The following OPTN variants were observed in gnomAD, a reference collection of about 807,000 sequenced individuals.
OPTN encodes E3-14.7K-interacting protein.
A neutral mutation model predicts 70.4 loss-of-function variants in OPTN; 54 were observed. That is an observed-to-expected ratio of 0.77 (90% CI 0.62 to 0.96). The LOEUF (loss-of-function observed/expected upper bound fraction) is 0.96, where lower values mean the gene tolerates loss of function less well. OPTN is among the 40% of genes least tolerant of loss of function. The pLI is 0.00. For missense variants in OPTN, 624 were observed against 673.2 expected (o/e 0.93, Z 0.81); for synonymous variants, 256 against 248.5 (o/e 1.03, Z -0.28).
chr10:13,118,490 G>A (rs1019195518), intron 6 of OPTN, among the ~76,000 whole-genome samples: 3 of 152,238 alleles, frequency 2.0e-5, no homozygotes, highest in Non-Finnish European at 1.5e-5. Context: ...CCAGTGGTCT[G>A]TACAATGTGC....
At chr10:13,102,818 C>T (rs1003276511) in intron 1 of OPTN, among the ~76,000 whole-genome samples, 7 of 152,102 alleles carry the variant, frequency 4.6e-5, no homozygotes, top group African/African-American at 1.7e-4. Context: ...TGGCATGCAC[C>T]TGTAATCCCA....
chr10:13,119,630 C>G (rs1833298249), intron 7 of OPTN, among the ~76,000 whole-genome samples: 2 of 152,280 alleles, frequency 1.3e-5, no homozygotes, highest in Middle Eastern at 6.8e-3. Flanking sequence ...ACCAGCAAAT[C>G]ATTTTCCAAA....
chr10:13,124,197 A>G (rs1287828184), intron 9 of OPTN, 87 bp downstream of exon 9: 3 of 759,558 alleles, frequency 3.9e-6, no homozygotes, highest in Admixed American at 4.7e-5. Context: ...TTTTTTAACT[A>G]TGTTATGACT....
intron 8 of OPTN, among the ~76,000 whole-genome samples, 169 bp downstream of exon 8, chr10:13,122,656 A>T (rs1255213917): frequency 6.6e-6 from 1 of 152,086 alleles, no homozygotes; most frequent in African/African-American, 2.4e-5. Flanking sequence ...GCTCTGTGTC[A>T]ATTGTAGCGA....
At chr10:13,105,436 A>G (rs1832844828) in intron 1 of OPTN, among the ~76,000 whole-genome samples, 1 of 152,244 alleles carries the variant, frequency 6.6e-6, no homozygotes, top group Non-Finnish European at 1.5e-5. Flanking sequence ...TCCCAAGGCC[A>G]CACATCTGGC....
At chr10:13,113,538 A>C (rs1205950893) in intron 5 of OPTN, among the ~76,000 whole-genome samples, 1 of 152,108 alleles carries the variant, frequency 6.6e-6, no homozygotes, top group Non-Finnish European at 1.5e-5. Flanking sequence ...ACCCCAGATG[A>C]AGTGGGCTAA....
At chr10:13,112,320 G>C (rs1243622736) in intron 4 of OPTN, 133 bp from the exon 5 acceptor site, 1 of 804,380 alleles carries the variant, frequency 1.2e-6, no homozygotes, top group South Asian at 1.4e-5. Flanking sequence ...TGTTGCCCAG[G>C]CTGGTCTCAA....
Position 13,132,083 on chromosome 10 carries a change from C to A in OPTN, c.1418C>A (p.Ser473Tyr). Residue 473 changes from serine to tyrosine, a missense_variant, in exon 13 of 15, where the codon TCT becomes TAT. Transcript: ENST00000378747. The part of the protein sequence containing the change: ...ILRAQMEVYC[S>Y]DFHAERAARE... The stretch of plus-strand genomic sequence containing the variant: ...CTCTAACAGATGGAAGTTTACTGTT[C>A]TGATTTTCATGCTGAAAGAGCAGCG... The A allele has an allele frequency of 1.2e-6, 2 of 1,612,812 alleles. No individual in the cohort carries two copies. Among genetic ancestry groups the A allele is most frequent in the South Asian group, 1.1e-5 (1 of 90,992 alleles).
chr10:13,132,236 G>T, intron 13 of OPTN, 39 bp downstream of exon 13: 1 of 1,606,756 alleles, frequency 6.2e-7, no homozygotes. Flanking sequence ...GCTCACATCA[G>T]CATGGCCGTA....
intron 5 of OPTN, among the ~76,000 whole-genome samples, chr10:13,115,271 A>ATATTT (rs541183125): frequency 6.3e-4 from 17 of 26,826 alleles, no homozygotes; most frequent in African/African-American, 1.7e-3. Context: ...ATATTTATAT[A>ATATTT]ATGAATACAT....
intron 5 of OPTN, among the ~76,000 whole-genome samples, chr10:13,114,806 A>ATATATAAT (rs370170403): frequency 2.5e-4 from 5 of 19,788 alleles, no homozygotes; most frequent in African/African-American, 5.1e-4. Flanking sequence ...ATATATACAT[A>ATATATAAT]TATATAATTA....
intron 9 of OPTN, 132 bp downstream of exon 9, chr10:13,124,242 T>A (rs1359425681): frequency 8.1e-6 from 5 of 616,612 alleles, no homozygotes; most frequent in Non-Finnish European, 1.4e-5. Context: ...AAATATAAAT[T>A]CAGAATATAC....
At chr10:13,125,285 T>C in intron 9 of OPTN, 133 bp from the exon 10 acceptor site, 2 of 903,762 alleles carry the variant, frequency 2.2e-6, no homozygotes, top group Non-Finnish European at 3.5e-6. Flanking sequence ...AGGAGGATTA[T>C]GTATTTCATT....
intron 5 of OPTN, among the ~76,000 whole-genome samples, chr10:13,115,871 G>GT (rs1833196121): frequency 6.6e-6 from 1 of 151,756 alleles, no homozygotes; most frequent in Non-Finnish European, 1.5e-5. Context: ...CTTTACCTCA[G>GT]TGAGTTCTAG....
At chr10:13,119,983 T>TTC (rs1833307243) in intron 7 of OPTN, among the ~76,000 whole-genome samples, 1 of 47,730 alleles carries the variant, frequency 2.1e-5, no homozygotes, top group African/African-American at 5.2e-5. Context: ...TTTTCTTTCT[T>TTC]TTTTTTTTTT....
intron 10 of OPTN, 83 bp downstream of exon 10, chr10:13,125,650 G>T: frequency 6.4e-7 from 1 of 1,550,774 alleles, no homozygotes; most frequent in South Asian, 1.2e-5. Context: ...TCGGATTTGA[G>T]AATAAATTTT....
At position 13,116,279 on chromosome 10, in the gene OPTN, GA is replaced by G; in HGVS notation, c.567del (p.Ser191GlnfsTer2). On this transcript the variant is annotated frameshift_variant, in exon 6 of 15. Coordinates refer to ENST00000378747, the MANE Select transcript of OPTN (RefSeq NM_001008212.2). LOFTEE classifies it high-confidence loss of function. The stretch of plus-strand genomic sequence containing the variant: ...TCTGTTTTCACAGGAAGGAGAAGCA[GA>G]AGGGTCAGTAAAAGAAATCAAGCAT... The part of the protein sequence containing the change: ...VEIRMAEGEA[E>X]GSVKEIKHSP... 7 of 1,610,192 alleles carry G rather than the reference GA, an allele frequency of 4.3e-6. No homozygotes were observed. Among genetic ancestry groups the G allele is most frequent in the Non-Finnish European group, 6.0e-6 (7 of 1,176,458 alleles).
At chr10:13,125,597 C>T (rs752102921) in intron 10 of OPTN, 30 bp downstream of exon 10, 22 of 1,613,220 alleles carry the variant, frequency 1.4e-5, no homozygotes, top group Admixed American at 8.3e-5. Flanking sequence ...AGGGCAGCGA[C>T]GGGGCAGAGG....
chr10:13,134,326 T>C (rs1833654575), intron 14 of OPTN, among the ~76,000 whole-genome samples: 1 of 152,238 alleles, frequency 6.6e-6, no homozygotes, highest in African/African-American at 2.4e-5. Flanking sequence ...CTCCATGAAC[T>C]GTTTCCATTT....
Sources: allele counts gnomAD v4.1 joint callset (sites outside exome capture counted in the v4.1 genomes callset), GRCh38; gene constraint gnomAD v4.1.1; transcripts MANE v1.5; gene names NCBI Gene and HGNC (gene_info 2026-07-23, HGNC 2026-07-21).